The following HELQ variants were observed in gnomAD, a reference collection of about 807,000 sequenced individuals.
The protein encoded by HELQ is helicase, POLQ like.
Under a neutral mutation model 111.6 loss-of-function variants are expected in HELQ, and 77 were observed. The ratio of observed to expected loss-of-function variants is 0.69; its 90% CI spans 0.57 to 0.83. The LOEUF is 0.83. Among genes scored for constraint, HELQ ranks in the 40% least tolerant of loss-of-function variants. The probability of loss-of-function intolerance (pLI) is 0.00; values close to 1 mark genes in which losing one functional copy is unlikely to be tolerated. For synonymous variants in HELQ, 438 were observed against 454.7 expected, an observed-to-expected ratio of 0.96 and a Z score of 0.47; for missense variants, 1,200 against 1,288.5, an observed-to-expected ratio of 0.93 and a Z score of 1.05.
At chr4:83,450,378 A>T (rs1209712774) in intron 2 of HELQ, among the ~76,000 whole-genome samples, 3 of 151,426 alleles carry the variant, frequency 2.0e-5, no homozygotes, top group African/African-American at 7.3e-5. Context: ...AAAAAAAAAG[A>T]AAGTTATATC....
At chr4:83,422,935 C>G (rs1207518812) in intron 14 of HELQ, among the ~76,000 whole-genome samples, 1 of 152,102 alleles carries the variant, frequency 6.6e-6, no homozygotes, top group Non-Finnish European at 1.5e-5. Flanking sequence ...CCTATGATTT[C>G]CACATGGTCC....
At chr4:83,454,228 C>T (rs1191185941) in intron 1 of HELQ, among the ~76,000 whole-genome samples, 1 of 152,044 alleles carries the variant, frequency 6.6e-6, no homozygotes, top group Non-Finnish European at 1.5e-5. Context: ...AACAAACAAA[C>T]AAAACCCCCA....
chr4:83,455,623 CA>C lies in HELQ; in HGVS notation c.70del (p.Cys24ValfsTer97), dbSNP rs1560564610. On this transcript the variant is annotated frameshift_variant, in exon 1 of 18. Transcript: ENST00000295488. LOFTEE classifies it high-confidence loss of function. ...LPKRNRPSLG[C>X]IFGAPTAAEL... ...GGCCGCGGTGGGAGCGCCAAAAATA[CA>C]CCCCAAGCTTGGACGGTTCCTTTTG... 1.2e-6 allele frequency: 2 copies of C among 1,613,788 alleles called. No individual in the cohort carries two copies. Among genetic ancestry groups the C allele is most frequent in the East Asian group, 2.2e-5 (1 of 44,862 alleles).
rs1341665350 is a variant in HELQ, at chr4:83,448,773, A to G, written c.1191+10T>C. 6.2e-7 allele frequency: 1 copy of G among 1,606,412 alleles called. No homozygotes were observed. The highest frequency in any genetic ancestry group is 2.2e-5 in the East Asian group (1 of 44,792). ...ATAACATTTGTTTTAAAACATACACACACACACACCTTTTCTTGGACAATT... is the reference window on the plus strand; with the variant it reads ...ATAACATTTGTTTTAAAACATACACGCACACACACCTTTTCTTGGACAATT... On this transcript the variant is annotated intron_variant, in intron 3 of 17. Transcript: ENST00000295488.
At chr4:83,421,761 T>C (rs1739699713) in intron 14 of HELQ, 25 bp from the exon 15 acceptor site, 1 of 1,591,046 alleles carries the variant, frequency 6.3e-7, no homozygotes, top group African/African-American at 1.3e-5. Context: ...TCAAATAAAT[T>C]CGTTTACTAG....
intron 2 of HELQ, 145 bp downstream of exon 2, chr4:83,453,086 A>T (rs778122896): frequency 2.0e-5 from 12 of 597,034 alleles, no homozygotes; most frequent in African/African-American, 3.8e-5. Flanking sequence ...GACAGGTAGG[A>T]ATGGAAGGGG....
rs1336228057 is a variant in HELQ at position 83,427,689 on chromosome 4, C to G, written c.2550G>C (p.Leu850=). ...CAAGACCTTTCTTCAAGTCTCTGTA[C>G]AGAATGTCACAATAAGCTAAATCTA... The part of the protein sequence containing the change: ...GTIDLAYCDI[L]YRDLKKGLEG... The change falls in exon 13 of 18, where the codon CTG becomes CTC. Residue 850 remains leucine (L), a synonymous_variant. Coordinates refer to ENST00000295488, the MANE Select transcript of HELQ (RefSeq NM_133636.5). 6.4e-7 allele frequency: 1 copy of G among 1,572,300 alleles called. No homozygotes were observed. The highest frequency in any genetic ancestry group is 8.6e-7 in the Non-Finnish European group (1 of 1,163,860).
intron 14 of HELQ, among the ~76,000 whole-genome samples, chr4:83,425,531 A>G (rs1385130438): frequency 6.6e-6 from 1 of 152,206 alleles, no homozygotes; most frequent in African/African-American, 2.4e-5. Context: ...TATCACACCA[A>G]CGAGTATTAG....
At position 83,452,415 on chromosome 4, in the gene HELQ, C is replaced by G. The variant is rs58988048; in HGVS notation, c.1012+816G>C. Among the ~76,000 whole-genome samples, 447 of 152,240 alleles carry G rather than the reference C, an allele frequency of 2.9e-3. 2 individuals carry two copies. The highest frequency in any genetic ancestry group is 0.01 in the African/African-American group (419 of 41,542). Reference sequence around the variant, plus strand: ...TAAAGATGTCTAGCTTTGGGAAAGGCAGCACAAGGCAGAGCATCTGGGTGG... The same window carrying G: ...TAAAGATGTCTAGCTTTGGGAAAGGGAGCACAAGGCAGAGCATCTGGGTGG... On this transcript the variant is annotated intron_variant, in intron 2 of 17. Coordinates refer to ENST00000295488, the MANE Select transcript of HELQ (RefSeq NM_133636.5).
chr4:83,455,508 C>T lies in HELQ; in HGVS notation c.186G>A (p.Glu62=). ...AATCTGAGAGTAGAAGGGGCTGTAC[C>T]TCAACCGGCAGTACGCCCGCGGTTT... is the stretch of plus-strand genomic sequence containing the variant. The part of the protein sequence containing the change: ...RRKTAGVLPV[E]VQPLLLSDSP... Residue 62 remains glutamate (E), a synonymous_variant, in exon 1 of 18, where the codon GAG becomes GAA. Transcript: ENST00000295488. 1 of 1,614,140 alleles carries T rather than the reference C, an allele frequency of 6.2e-7. No individual in the cohort carries two copies. Among genetic ancestry groups the T allele is most frequent in the Non-Finnish European group, 8.5e-7 (1 of 1,180,026 alleles).
In HELQ at chr4:83,455,586, G is replaced by C. The variant is rs146273386; in HGVS notation, c.108C>G (p.Pro36=). ...FGAPTAAELV[P]GDEGKEEEEM... Reference sequence around the variant, plus strand: ...CCTCCTCCTCTTTCCCCTCATCTCCGGGCACGAGCTCGGCCGCGGTGGGAG... The same window carrying C: ...CCTCCTCCTCTTTCCCCTCATCTCCCGGCACGAGCTCGGCCGCGGTGGGAG... Residue 36 remains proline, a synonymous_variant, in exon 1 of 18, where the codon CCC becomes CCG. Coordinates refer to ENST00000295488, the MANE Select transcript of HELQ (RefSeq NM_133636.5). 4.2e-4 allele frequency: 675 copies of C among 1,614,076 alleles called. 2 individuals are homozygous for C. In the African/African-American group the frequency reaches 8.2e-3, roughly 20 times the overall value.
intron 15 of HELQ, among the ~76,000 whole-genome samples, chr4:83,418,847 TA>T (rs1739498310): frequency 6.6e-6 from 1 of 152,170 alleles, no homozygotes; most frequent in Non-Finnish European, 1.5e-5. Context: ...GATGGCAGAG[TA>T]AAAAGAAGAA....
intron 2 of HELQ, among the ~76,000 whole-genome samples, chr4:83,451,581 G>A (rs1721370032): frequency 6.6e-6 from 1 of 152,000 alleles, no homozygotes; most frequent in Non-Finnish European, 1.5e-5. Context: ...CAGGAAAATG[G>A]CGCGAACCCA....
At chr4:83,445,134 G>A (rs573727517) in intron 5 of HELQ, among the ~76,000 whole-genome samples, 3 of 152,290 alleles carry the variant, frequency 2.0e-5, no homozygotes, top group Non-Finnish European at 4.4e-5. Context: ...GAGAGTGGTG[G>A]CTGAGAATTC....
chr4:83,410,819 G>T (rs1226900837), intron 17 of HELQ, among the ~76,000 whole-genome samples: 2 of 151,942 alleles, frequency 1.3e-5, no homozygotes, highest in Non-Finnish European at 2.9e-5. Context: ...AAGGTCATGT[G>T]AATCCTCCCC....
At chr4:83,424,748 G>C (rs1719752692) in intron 14 of HELQ, among the ~76,000 whole-genome samples, 1 of 152,000 alleles carries the variant, frequency 6.6e-6, no homozygotes, top group Admixed American at 6.6e-5. Context: ...AGTGGAGATA[G>C]GGTTTCACCA....
At chr4:83,430,076 C>T (rs1720058443) in intron 11 of HELQ, among the ~76,000 whole-genome samples, 1 of 151,642 alleles carries the variant, frequency 6.6e-6, no homozygotes. Context: ...CACTAATTCT[C>T]ACTCAGCCTC....
intron 1 of HELQ, chr4:83,455,147 T>C (rs909527111): frequency 5.2e-6 from 3 of 582,210 alleles, no homozygotes; most frequent in African/African-American, 1.9e-5. Flanking sequence ...GGAGCTGCAG[T>C]TATCTGGAAG....
intron 9 of HELQ, among the ~76,000 whole-genome samples, chr4:83,432,933 C>A (rs1318682362): frequency 6.6e-6 from 1 of 151,834 alleles, no homozygotes; most frequent in East Asian, 1.9e-4. Flanking sequence ...GGTAGTGTGC[C>A]CCTGTAGTCC....
Sources: gnomAD v4.1 joint callset for allele counts (sites outside exome capture counted in the v4.1 genomes callset) on GRCh38, gnomAD v4.1.1 for gene constraint, MANE v1.5 for transcripts, NCBI Gene and HGNC (gene_info 2026-07-23, HGNC 2026-07-21) for gene names.